RALYL: variants seen among roughly 807,000 people sequenced by gnomAD.
RALYL encodes RNA-binding Raly-like protein.
RALYL carries 29 observed loss-of-function variants against 35.1 expected under a neutral mutation model. The observed-to-expected ratio is 0.83, with a 90% CI of 0.61 to 1.13. The LOEUF (loss-of-function observed/expected upper bound fraction) is 1.13, where lower values mean the gene tolerates loss of function less well. Ranked by LOEUF, RALYL falls within the 50% of genes most tolerant of loss-of-function variation. The pLI is 0.00. For missense variants in RALYL, 359 were observed against 360.4 expected, an observed-to-expected ratio of 1.00 and a Z score of 0.03; for synonymous variants, 120 against 127.6, an observed-to-expected ratio of 0.94 and a Z score of 0.40.
At chr8:84,244,157 C>T (rs1318704536) in intron 1 of RALYL, among the ~76,000 whole-genome samples, 1 of 152,002 alleles carries the variant, frequency 6.6e-6, no homozygotes, top group South Asian at 2.1e-4. Flanking sequence ...TTGCTATTCC[C>T]TATAAATTTT....
At chr8:84,840,768 C>G (rs1303908675) in intron 4 of RALYL, among the ~76,000 whole-genome samples, 1 of 152,220 alleles carries the variant, frequency 6.6e-6, no homozygotes, top group Non-Finnish European at 1.5e-5. Flanking sequence ...CAACTGATCT[C>G]TCGGCAGAAA....
chr8:84,693,162 A>T (rs1396581215), intron 2 of RALYL, among the ~76,000 whole-genome samples: 1 of 152,012 alleles, frequency 6.6e-6, no homozygotes, highest in African/African-American at 2.4e-5. Context: ...CAACTAATAT[A>T]TCTCGGACAC....
intron 1 of RALYL, among the ~76,000 whole-genome samples, chr8:84,382,656 A>G (rs1276404445): frequency 6.6e-6 from 1 of 151,730 alleles, no homozygotes; most frequent in Admixed American, 6.6e-5. Flanking sequence ...ATAAAAATAT[A>G]TATCATTGAA....
chr8:84,735,297 T>TA (rs1205182316), intron 2 of RALYL, among the ~76,000 whole-genome samples: 1 of 151,888 alleles, frequency 6.6e-6, no homozygotes, highest in African/African-American at 2.4e-5. Context: ...GCTCATGAAA[T>TA]AAAAATTAAT....
At chr8:84,896,184 A>G (rs1471589388) in intron 8 of RALYL, among the ~76,000 whole-genome samples, 1 of 152,154 alleles carries the variant, frequency 6.6e-6, no homozygotes, top group Admixed American at 6.5e-5. Flanking sequence ...CACAAGGTGC[A>G]CTTGGTGTAA....
At chr8:84,497,541 A>C (rs1276984950) in intron 1 of RALYL, among the ~76,000 whole-genome samples, 1 of 152,012 alleles carries the variant, frequency 6.6e-6, no homozygotes, top group Non-Finnish European at 1.5e-5. Flanking sequence ...TGAGGATAGT[A>C]TCATATAAGT....
In RALYL at chr8:84,529,310, G is replaced by T; in HGVS notation, c.-12G>T. The T allele has an allele frequency of 6.4e-7, 1 of 1,561,528 alleles. No individual in the cohort carries two copies. Among genetic ancestry groups the T allele is most frequent in the East Asian group, 2.3e-5 (1 of 42,584 alleles). On this transcript the variant is annotated 5_prime_UTR_variant, in exon 2 of 9. In the 5' UTR this introduces an upstream ATG that the reference lacks. Transcript: ENST00000521268. Reference sequence around the variant, plus strand: ...TTTGTTTGTTTAAGGATTAAAGCAAGGAGAGCCAATCATGACTGGCAAAAC... The same window carrying T: ...TTTGTTTGTTTAAGGATTAAAGCAATGAGAGCCAATCATGACTGGCAAAAC...
chr8:84,314,975 G>T (rs958018504), intron 1 of RALYL, among the ~76,000 whole-genome samples: 1 of 152,168 alleles, frequency 6.6e-6, no homozygotes, highest in South Asian at 2.1e-4. Context: ...ACTTTGGAGA[G>T]ACAGGTGTTC....
At chr8:84,494,170 C>T (rs559688082) in intron 1 of RALYL, among the ~76,000 whole-genome samples, 45 of 152,182 alleles carry the variant, frequency 3.0e-4, no homozygotes, top group Non-Finnish European at 4.7e-4. Context: ...AATCCTTTCC[C>T]CATTGCTTGT....
At chr8:84,891,856 G>T (rs949878668) in intron 8 of RALYL, among the ~76,000 whole-genome samples, 5 of 152,124 alleles carry the variant, frequency 3.3e-5, no homozygotes, top group Non-Finnish European at 5.9e-5. Flanking sequence ...TTCTTTTTAG[G>T]TAATAAAGGG....
At chr8:84,715,790 A>G (rs1021566390) in intron 2 of RALYL, among the ~76,000 whole-genome samples, 9 of 152,016 alleles carry the variant, frequency 5.9e-5, no homozygotes, top group African/African-American at 1.7e-4. Flanking sequence ...TCTTAGCACT[A>G]TTTACTGAAT....
At chr8:84,841,164 C>A (rs1833223347) in intron 4 of RALYL, among the ~76,000 whole-genome samples, 1 of 152,094 alleles carries the variant, frequency 6.6e-6, no homozygotes, top group Non-Finnish European at 1.5e-5. Flanking sequence ...TTAAAAGACA[C>A]AGACTGGCAA....
chr8:84,740,382 G>T (rs1355630049), intron 2 of RALYL, among the ~76,000 whole-genome samples: 3 of 151,808 alleles, frequency 2.0e-5, no homozygotes, highest in African/African-American at 7.3e-5. Flanking sequence ...AAAGAGGGCG[G>T]AATAAAAGCA....
chr8:84,876,299 G>T (rs1450353312), intron 7 of RALYL, among the ~76,000 whole-genome samples: 3 of 152,070 alleles, frequency 2.0e-5, no homozygotes, highest in Admixed American at 6.6e-5. Context: ...GTATATTCTG[G>T]CTTCTAAAAC....
At chr8:84,862,111 G>A (rs187852089) in intron 5 of RALYL, among the ~76,000 whole-genome samples, 185 bp from the exon 6 acceptor site, 3 of 152,258 alleles carry the variant, frequency 2.0e-5, no homozygotes, top group Admixed American at 2.0e-4. Context: ...GACTATATTA[G>A]CATCTATTTT....
At chr8:84,522,116 C>A (rs2058503479) in intron 1 of RALYL, among the ~76,000 whole-genome samples, 1 of 151,916 alleles carries the variant, frequency 6.6e-6, no homozygotes, top group Admixed American at 6.6e-5. Flanking sequence ...GTATTTTAAG[C>A]TATTTTTATT....
chr8:84,365,616 G>C lies in RALYL; in HGVS notation c.-23-163683G>C, dbSNP rs367637919. 1.1e-3 allele frequency among the ~76,000 whole-genome samples: 167 copies of C among 152,278 alleles called. 5 individuals are homozygous for C. In the South Asian group the frequency reaches 0.033, roughly 30 times the overall value. On this transcript the variant is annotated intron_variant, in intron 1 of 8. Coordinates refer to ENST00000521268, the MANE Select transcript of RALYL (RefSeq NM_173848.7). ...GAAAATTGAAGCAAATGTATTTTAT[G>C]AAAGCAGTGAGTTACTTAGAATGGA...
At chr8:84,714,179 A>G (rs1413606059) in intron 2 of RALYL, among the ~76,000 whole-genome samples, 1 of 151,844 alleles carries the variant, frequency 6.6e-6, no homozygotes, top group Non-Finnish European at 1.5e-5. Context: ...TCATCTCACT[A>G]ATATTTGGAA....
At chr8:84,596,000 A>C (rs1814438271) in intron 2 of RALYL, among the ~76,000 whole-genome samples, 1 of 152,040 alleles carries the variant, frequency 6.6e-6, no homozygotes, top group Non-Finnish European at 1.5e-5. Context: ...GGTGACACAC[A>C]CACATTCTTT....
Sources: allele counts gnomAD v4.1 joint callset (sites outside exome capture counted in the v4.1 genomes callset), GRCh38; gene constraint gnomAD v4.1.1; transcripts MANE v1.5; gene names NCBI Gene and HGNC (gene_info 2026-07-23, HGNC 2026-07-21).